Variants in KLHL32 observed in about 807,000 individuals in gnomAD.
The protein encoded by KLHL32 is kelch-like protein 32.
A neutral mutation model predicts 64.8 loss-of-function variants in KLHL32; 35 were observed. The observed-to-expected ratio is 0.54, with a 90% CI of 0.41 to 0.72. The LOEUF is 0.72. Among genes scored for constraint, KLHL32 ranks in the 30% least tolerant of loss-of-function variants. The pLI, the probability that KLHL32 is intolerant of heterozygous loss-of-function variation, is 0.00. For missense variants in KLHL32, 589 were observed against 768.5 expected, an observed-to-expected ratio of 0.77 and a Z score of 2.76; for synonymous variants, 259 against 281.0, an observed-to-expected ratio of 0.92 and a Z score of 0.78.
chr6:97,069,909 A>C (rs1790433546), intron 5 of KLHL32, among the ~76,000 whole-genome samples: 1 of 152,050 alleles, frequency 6.6e-6, no homozygotes, highest in Non-Finnish European at 1.5e-5. Context: ...ACAATGACTT[A>C]TAGGAGGTTA....
At chr6:97,112,712 TG>T (rs1299333845) in intron 6 of KLHL32, among the ~76,000 whole-genome samples, 3 of 151,840 alleles carry the variant, frequency 2.0e-5, no homozygotes, top group African/African-American at 7.3e-5. Context: ...CCCAAAGTGC[TG>T]GGATTACAGG....
intron 7 of KLHL32, among the ~76,000 whole-genome samples, chr6:97,118,672 T>C (rs11968688): frequency 4.8e-4 from 67 of 140,762 alleles, no homozygotes; most frequent in Admixed American, 1.1e-3. Flanking sequence ...ACAGCAGGCA[T>C]AGCAGAGGCT....
chr6:97,091,611 C>A (rs1164246196), intron 6 of KLHL32, among the ~76,000 whole-genome samples: 1 of 152,206 alleles, frequency 6.6e-6, no homozygotes, highest in Non-Finnish European at 1.5e-5. Context: ...ATAATGATTT[C>A]TTTGCCAAGT....
Position 96,937,095 on chromosome 6 carries a change from A to G in KLHL32, c.-66+12069A>G, listed in dbSNP as rs141426812. On this transcript the variant is annotated intron_variant, in intron 1 of 10. Transcript: ENST00000369261. The stretch of plus-strand genomic sequence containing the variant: ...ACTGAGGGAAAACTTACATATCATT[A>G]AAGTTCACCCATTGTAACTGTGTAC... 6.3e-3 allele frequency among the ~76,000 whole-genome samples: 952 copies of G among 152,290 alleles called. 4 individuals carry two copies. Among genetic ancestry groups the G allele is most frequent in the Non-Finnish European group, 0.011 (745 of 68,010 alleles).
chr6:97,052,616 G>C (rs1490368424), intron 4 of KLHL32, among the ~76,000 whole-genome samples: 1 of 152,132 alleles, frequency 6.6e-6, no homozygotes, highest in Non-Finnish European at 1.5e-5. Context: ...GTGTTGCCTG[G>C]CATCTAGCCT....
intron 3 of KLHL32, among the ~76,000 whole-genome samples, chr6:96,978,251 G>A (rs1775924540): frequency 6.6e-6 from 1 of 152,034 alleles, no homozygotes; most frequent in South Asian, 2.1e-4. Flanking sequence ...CAGGTAATAA[G>A]CATAATACTC....
At chr6:97,044,566 T>C (rs960907117) in intron 4 of KLHL32, among the ~76,000 whole-genome samples, 2 of 152,164 alleles carry the variant, frequency 1.3e-5, no homozygotes, top group African/African-American at 4.8e-5. Flanking sequence ...GAAAGAGTTT[T>C]AAGAGAGATT....
At chr6:97,039,832 A>AACAG (rs1001676048) in intron 3 of KLHL32, among the ~76,000 whole-genome samples, 4 of 151,530 alleles carry the variant, frequency 2.6e-5, no homozygotes, top group Non-Finnish European at 4.4e-5. Flanking sequence ...AAAACAAACA[A>AACAG]ACAAACAAAC....
At chr6:97,023,453 T>C (rs2128106752) in intron 3 of KLHL32, among the ~76,000 whole-genome samples, 1 of 152,296 alleles carries the variant, frequency 6.6e-6, no homozygotes, top group Non-Finnish European at 1.5e-5. Flanking sequence ...TAAATATATA[T>C]TTTTTGTTTT....
At chr6:96,985,280 T>A (rs1372917660) in intron 3 of KLHL32, among the ~76,000 whole-genome samples, 1 of 152,182 alleles carries the variant, frequency 6.6e-6, no homozygotes, top group Non-Finnish European at 1.5e-5. Flanking sequence ...GGTAACCTGG[T>A]CTTTCTCTCT....
intron 3 of KLHL32, among the ~76,000 whole-genome samples, chr6:97,016,679 T>C (rs1053562513): frequency 6.6e-6 from 1 of 152,154 alleles, no homozygotes; most frequent in African/African-American, 2.4e-5. Flanking sequence ...AATGATTGTG[T>C]TTTGAAGTGT....
chr6:96,968,852 T>C (rs1774791881), intron 2 of KLHL32, among the ~76,000 whole-genome samples: 1 of 152,134 alleles, frequency 6.6e-6, no homozygotes, highest in South Asian at 2.1e-4. Context: ...TATTATTTCC[T>C]CACATCCCAT....
chr6:96,997,317 T>C (rs1778515492), intron 3 of KLHL32, among the ~76,000 whole-genome samples: 1 of 152,140 alleles, frequency 6.6e-6, no homozygotes. Context: ...TGCTATCTGA[T>C]TGGAATAGTT....
rs1785133990 is a variant in KLHL32 at position 97,041,617 on chromosome 6, A to G, written c.312+18A>G. On this transcript the variant is annotated intron_variant, in intron 4 of 10. Coordinates refer to ENST00000369261, the MANE Select transcript of KLHL32 (RefSeq NM_052904.4). ...CAGGACAGGTATGGTATTAAATGTG[A>G]TCTGTAAAGTTTAACATTTCAACTA... 6.9e-7 allele frequency: 1 copy of G among 1,456,900 alleles called. No individual in the cohort carries two copies. The highest frequency in any genetic ancestry group is 9.6e-7 in the Non-Finnish European group (1 of 1,037,564). 90.2% of individuals were successfully genotyped at this position (1,456,900 alleles called of 1,614,324 possible).
chr6:96,999,580 CT>C, intron 3 of KLHL32: 2 of 934,408 alleles, frequency 2.1e-6, no homozygotes, highest in African/African-American at 3.6e-5. Context: ...CATTTTTTCC[CT>C]GCTATTTTCT....
At chr6:96,949,007 A>G (rs545052721) in intron 1 of KLHL32, among the ~76,000 whole-genome samples, 1 of 152,332 alleles carries the variant, frequency 6.6e-6, no homozygotes, top group African/African-American at 2.4e-5. Context: ...GTAAGATTTT[A>G]GATTAATTTC....
intron 1 of KLHL32, among the ~76,000 whole-genome samples, chr6:96,964,911 TG>T (rs1774283868): frequency 2.0e-5 from 3 of 152,226 alleles, no homozygotes. Context: ...GTTTGTTACA[TG>T]GGTATATTGC....
intron 3 of KLHL32, among the ~76,000 whole-genome samples, chr6:97,017,507 G>C (rs7744725): frequency 0.063 from 9,522 of 152,274 alleles, 618 homozygotes; most frequent in African/African-American, 0.16. Context: ...TGAGGAGTCA[G>C]GCAAGGGTTA....
At chr6:97,035,405 G>A (rs1784147405) in intron 3 of KLHL32, among the ~76,000 whole-genome samples, 1 of 151,964 alleles carries the variant, frequency 6.6e-6, no homozygotes, top group South Asian at 2.1e-4. Flanking sequence ...ATATTTGTCT[G>A]TATATTTAAT....
Sources: allele counts gnomAD v4.1 joint callset (sites outside exome capture counted in the v4.1 genomes callset), GRCh38; gene constraint gnomAD v4.1.1; transcripts MANE v1.5; gene names NCBI Gene and HGNC (gene_info 2026-07-23, HGNC 2026-07-21).